Variants in GNA14 observed in about 807,000 individuals in gnomAD.
GNA14 encodes the protein G protein subunit alpha 14.
In GNA14, 50 loss-of-function variants were observed where a neutral mutation model predicts 42.0. The observed-to-expected ratio is 1.19, with a 90% CI of 0.95 to 1.51. The LOEUF (loss-of-function observed/expected upper bound fraction) is 1.51. Ranked by LOEUF, GNA14 falls within the 40% of genes most tolerant of loss-of-function variation. GNA14 has a pLI of 0.00. For missense variants in GNA14, 473 were observed against 446.2 expected, an observed-to-expected ratio of 1.06 and a Z score of -0.54; for synonymous variants, 173 against 163.1, an observed-to-expected ratio of 1.06 and a Z score of -0.46.
chr9:77,520,631 T>C (rs1837342107), intron 2 of GNA14, among the ~76,000 whole-genome samples: 1 of 152,224 alleles, frequency 6.6e-6, no homozygotes, highest in Non-Finnish European at 1.5e-5. Context: ...AATGGCAACA[T>C]CTTGGCTTAC....
chr9:77,615,093 T>C (rs1374206811), intron 1 of GNA14, among the ~76,000 whole-genome samples: 2 of 152,222 alleles, frequency 1.3e-5, no homozygotes, highest in African/African-American at 4.8e-5. Flanking sequence ...GAGAAAGTTC[T>C]CCATTGCCTG....
At chr9:77,606,841 G>A (rs935636304) in intron 1 of GNA14, among the ~76,000 whole-genome samples, 1 of 152,168 alleles carries the variant, frequency 6.6e-6, no homozygotes, top group Admixed American at 6.5e-5. Context: ...TGAGGCCTTT[G>A]GGAGGTAATT....
At chr9:77,453,027 C>A (rs1472511172) in intron 2 of GNA14, among the ~76,000 whole-genome samples, 1 of 152,016 alleles carries the variant, frequency 6.6e-6, no homozygotes, top group East Asian at 1.9e-4. Context: ...GCAGTCCCAG[C>A]TACTTGAGAG....
chr9:77,623,535 GA>G (rs1337923147), intron 1 of GNA14, among the ~76,000 whole-genome samples: 1 of 152,200 alleles, frequency 6.6e-6, no homozygotes, highest in Admixed American at 6.5e-5. Flanking sequence ...GATCAATGCA[GA>G]AGGCAGGTGA....
At chr9:77,646,983 A>AAG (rs1824365023) in intron 1 of GNA14, among the ~76,000 whole-genome samples, 1 of 152,216 alleles carries the variant, frequency 6.6e-6, no homozygotes, top group African/African-American at 2.4e-5. Flanking sequence ...CAAGCTGGGC[A>AAG]AGGGAGGTTT....
intron 1 of GNA14, among the ~76,000 whole-genome samples, chr9:77,601,216 C>A (rs1408482638): frequency 6.6e-6 from 1 of 151,888 alleles, no homozygotes; most frequent in Non-Finnish European, 1.5e-5. Context: ...TTCCTTTTGC[C>A]CAATAAATTC....
At chr9:77,493,345 C>T (rs1836818756) in intron 2 of GNA14, among the ~76,000 whole-genome samples, 2 of 151,994 alleles carry the variant, frequency 1.3e-5, no homozygotes, top group South Asian at 4.2e-4. Flanking sequence ...GCTTATCTTC[C>T]TTTTTTGTTA....
At chr9:77,568,114 G>C (rs933261793) in intron 1 of GNA14, among the ~76,000 whole-genome samples, 1 of 152,096 alleles carries the variant, frequency 6.6e-6, no homozygotes, top group Admixed American at 6.6e-5. Context: ...GCAGCTCCCA[G>C]AGCAGGTCCT....
intron 1 of GNA14, among the ~76,000 whole-genome samples, chr9:77,618,597 TA>T (rs1254403274): frequency 4.3e-4 from 5 of 11,592 alleles, no homozygotes; most frequent in African/African-American, 1.1e-3. Flanking sequence ...TATATATATA[TA>T]TATATATATA....
At chr9:77,535,501 A>C (rs954620241) in intron 1 of GNA14, among the ~76,000 whole-genome samples, 2 of 152,178 alleles carry the variant, frequency 1.3e-5, no homozygotes, top group African/African-American at 4.8e-5. Flanking sequence ...CTGAGCCGAG[A>C]TCGCGCCATT....
intron 1 of GNA14, among the ~76,000 whole-genome samples, chr9:77,646,357 G>A (rs1824351265): frequency 6.6e-6 from 1 of 152,284 alleles, no homozygotes; most frequent in Admixed American, 6.5e-5. Flanking sequence ...TCCAGGTCTT[G>A]GGAGGGAGGG....
intron 2 of GNA14, among the ~76,000 whole-genome samples, chr9:77,510,453 A>G (rs918571315): frequency 2.0e-5 from 3 of 152,138 alleles, no homozygotes; most frequent in Non-Finnish European, 2.9e-5. Flanking sequence ...CTCCCACCTC[A>G]GCTCCTGAGT....
chr9:77,494,002 C>A lies in GNA14; in HGVS notation c.309+35067G>T, dbSNP rs189009003. Reference sequence around the variant, plus strand: ...GTGGCACAATCTTGGCTCACAGCAACCTCCGCCTCCCGGGTTGAAGTGATT... The same window carrying A: ...GTGGCACAATCTTGGCTCACAGCAAACTCCGCCTCCCGGGTTGAAGTGATT... On this transcript the variant is annotated intron_variant, in intron 2 of 6. Coordinates refer to ENST00000341700, the MANE Select transcript of GNA14 (RefSeq NM_004297.4). Among the ~76,000 whole-genome samples, 254 of 152,300 alleles carry A rather than the reference C, an allele frequency of 1.7e-3. 2 individuals carry two copies. Among genetic ancestry groups the A allele is most frequent in the Non-Finnish European group, 8.1e-4 (55 of 68,028 alleles).
At chr9:77,548,808 C>T (rs923997074) in intron 1 of GNA14, among the ~76,000 whole-genome samples, 3 of 152,242 alleles carry the variant, frequency 2.0e-5, no homozygotes, top group African/African-American at 7.2e-5. Context: ...TAAGCTTCTG[C>T]ACCCATGTGG....
At chr9:77,611,210 C>T (rs2117944767) in intron 1 of GNA14, among the ~76,000 whole-genome samples, 1 of 152,258 alleles carries the variant, frequency 6.6e-6, no homozygotes, top group East Asian at 1.9e-4. Flanking sequence ...CCCATGTTAG[C>T]ATGCTATAGA....
intron 1 of GNA14, among the ~76,000 whole-genome samples, chr9:77,600,133 T>C (rs1402715378): frequency 1.3e-5 from 2 of 152,206 alleles, no homozygotes; most frequent in African/African-American, 4.8e-5. Flanking sequence ...AGCATGAATG[T>C]CCTTGTTTGA....
intron 1 of GNA14, among the ~76,000 whole-genome samples, chr9:77,608,042 A>G (rs1332575591): frequency 1.3e-5 from 2 of 152,162 alleles, no homozygotes; most frequent in Non-Finnish European, 1.5e-5. Context: ...TCTTGAATGC[A>G]AAGGTGGTGG....
intron 2 of GNA14, among the ~76,000 whole-genome samples, chr9:77,481,260 A>G (rs530159507): frequency 1.1e-4 from 16 of 152,142 alleles, no homozygotes; most frequent in East Asian, 7.7e-4. Flanking sequence ...CTTTGTTCTC[A>G]TTGGTTTCAA....
intron 2 of GNA14, among the ~76,000 whole-genome samples, chr9:77,505,513 G>A (rs555381919): frequency 5.9e-5 from 9 of 152,276 alleles, no homozygotes; most frequent in African/African-American, 1.4e-4. Flanking sequence ...AGGATGAGTC[G>A]TAATTCATTT....
Sources: allele counts gnomAD v4.1 joint callset (sites outside exome capture counted in the v4.1 genomes callset), GRCh38; gene constraint gnomAD v4.1.1; transcripts MANE v1.5; gene names NCBI Gene and HGNC (gene_info 2026-07-23, HGNC 2026-07-21).